Variants in FARS2 observed in about 807,000 individuals in gnomAD.
The protein encoded by FARS2 is phenylalanine--tRNA ligase, mitochondrial.
A neutral mutation model predicts 46.4 loss-of-function variants in FARS2; 40 were observed. The observed-to-expected ratio is 0.86, with a 90% confidence interval of 0.67 to 1.12. The LOEUF is 1.12. Among genes scored for constraint, FARS2 ranks in the 50% most tolerant of loss-of-function variants. The pLI is 0.00. For synonymous variants in FARS2, 234 were observed against 214.9 expected (o/e 1.09, Z -0.78); for missense variants, 513 against 567.9 (o/e 0.90, Z 0.98).
At chr6:5,610,249 G>A (rs1242930500) in intron 5 of FARS2, 1 of 497,910 alleles carries the variant, frequency 2.0e-6, no homozygotes. Flanking sequence ...CAGCATCCAC[G>A]AGCAGAAAGT....
chr6:5,324,005 C>T (rs1448111422), intron 1 of FARS2, among the ~76,000 whole-genome samples: 1 of 152,102 alleles, frequency 6.6e-6, no homozygotes, highest in East Asian at 1.9e-4. Flanking sequence ...ACATTCCAAC[C>T]CTGTCCTAAA....
intron 1 of FARS2, among the ~76,000 whole-genome samples, chr6:5,321,416 CAG>C (rs1344533571): frequency 6.6e-6 from 1 of 152,126 alleles, no homozygotes; most frequent in African/African-American, 2.4e-5. Flanking sequence ...GGGGAGGAAA[CAG>C]TGTGAGCAGA....
At chr6:5,769,496 G>C (rs1325596625) in intron 6 of FARS2, among the ~76,000 whole-genome samples, 1 of 152,246 alleles carries the variant, frequency 6.6e-6, no homozygotes, top group Admixed American at 6.5e-5. Context: ...GAGGAGAAAA[G>C]ACCACTCTAC....
At chr6:5,476,195 C>T (rs944435526) in intron 4 of FARS2, among the ~76,000 whole-genome samples, 15 of 152,224 alleles carry the variant, frequency 9.9e-5, no homozygotes, top group Admixed American at 3.3e-4. Flanking sequence ...CCCCGGCGAA[C>T]GGGAGAGAAC....
At chr6:5,415,915 C>T (rs1762213339) in intron 3 of FARS2, among the ~76,000 whole-genome samples, 1 of 152,038 alleles carries the variant, frequency 6.6e-6, no homozygotes, top group South Asian at 2.1e-4. Context: ...CTATATTGTC[C>T]AGGCTGGTCT....
At position 5,297,374 on chromosome 6, in the gene FARS2, G is replaced by A. The variant is rs138817467; in HGVS notation, c.-22+35714G>A. Among the ~76,000 whole-genome samples the A allele has an allele frequency of 2.0e-5, 3 of 152,254 alleles. No homozygotes were observed. In the East Asian group the frequency reaches 5.8e-4, roughly 29 times the overall value. On this transcript the variant is annotated intron_variant, in intron 1 of 6. Transcript: ENST00000274680. Reference sequence around the variant, plus strand: ...TTAAAAAAACTAATTTTGGCCTGGCGCAGTGGCTCACGCCTGTAATCCCAG... The same window carrying A: ...TTAAAAAAACTAATTTTGGCCTGGCACAGTGGCTCACGCCTGTAATCCCAG...
intron 5 of FARS2, among the ~76,000 whole-genome samples, chr6:5,545,553 TC>T (rs1770922553): frequency 6.6e-6 from 1 of 152,134 alleles, no homozygotes; most frequent in African/African-American, 2.4e-5. Context: ...CAACCCGTCA[TC>T]TAGGTTTTAA....
At chr6:5,703,929 G>A (rs1264508700) in intron 6 of FARS2, among the ~76,000 whole-genome samples, 1 of 151,914 alleles carries the variant, frequency 6.6e-6, no homozygotes, top group Non-Finnish European at 1.5e-5. Context: ...AAACTGTCCC[G>A]ATCTAGCTGT....
At chr6:5,322,232 G>A (rs1770029738) in intron 1 of FARS2, among the ~76,000 whole-genome samples, 1 of 152,164 alleles carries the variant, frequency 6.6e-6, no homozygotes, top group Non-Finnish European at 1.5e-5. Context: ...ATTTTGTTTT[G>A]ACTTAATATT....
intron 6 of FARS2, among the ~76,000 whole-genome samples, chr6:5,718,826 G>A (rs557008385): frequency 3.9e-5 from 6 of 152,256 alleles, no homozygotes; most frequent in South Asian, 2.1e-4. Context: ...TGATCCTGGC[G>A]TATTAAATTC....
At chr6:5,679,586 C>G (rs1778930772) in intron 6 of FARS2, among the ~76,000 whole-genome samples, 1 of 152,260 alleles carries the variant, frequency 6.6e-6, no homozygotes, top group South Asian at 2.1e-4. Flanking sequence ...CCAGGGTCTC[C>G]TAAACAGTAC....
chr6:5,399,976 G>T (rs1353048410), intron 2 of FARS2, among the ~76,000 whole-genome samples: 1 of 152,178 alleles, frequency 6.6e-6, no homozygotes, highest in Non-Finnish European at 1.5e-5. Flanking sequence ...TTCAGGGTAA[G>T]TAGTTAGAAA....
chr6:5,486,409 G>A (rs535606726), intron 4 of FARS2, among the ~76,000 whole-genome samples: 177 of 152,176 alleles, frequency 1.2e-3, no homozygotes, highest in African/African-American at 4.1e-3. Flanking sequence ...TTTTATTTTA[G>A]CCTTCTATTC....
chr6:5,509,282 T>C (rs1476529989), intron 4 of FARS2, among the ~76,000 whole-genome samples: 1 of 152,208 alleles, frequency 6.6e-6, no homozygotes, highest in Non-Finnish European at 1.5e-5. Context: ...TGCCCAGCAT[T>C]CCTTGGCGTG....
At chr6:5,498,409 C>CG (rs776936435) in intron 4 of FARS2, among the ~76,000 whole-genome samples, 1 of 152,076 alleles carries the variant, frequency 6.6e-6, no homozygotes, top group African/African-American at 2.4e-5. Context: ...TGAATCAGAT[C>CG]GGCCAAGTTA....
intron 5 of FARS2, among the ~76,000 whole-genome samples, chr6:5,562,695 T>TACACACACACACACACACACACAC (rs35980009): frequency 3.7e-5 from 5 of 135,770 alleles, no homozygotes; most frequent in South Asian, 2.3e-4. Flanking sequence ...CTGTAATTTA[T>TACACACACACACACACACACACAC]ACACACACAC....
At chr6:5,259,940 T>C (rs975764519), upstream of FARS2, among the ~76,000 whole-genome samples, 3 of 152,124 alleles carry the variant, frequency 2.0e-5, no homozygotes, top group African/African-American at 7.2e-5. Flanking sequence ...AATAAAAGAC[T>C]CATAGGCAAA....
chr6:5,676,159 G>A (rs1433813667), intron 6 of FARS2, among the ~76,000 whole-genome samples: 4 of 152,152 alleles, frequency 2.6e-5, no homozygotes, highest in East Asian at 1.9e-4. Flanking sequence ...ATTTATGTAC[G>A]CAAGAAGCTT....
chr6:5,637,705 C>T (rs1251792354), intron 6 of FARS2, among the ~76,000 whole-genome samples: 1 of 152,202 alleles, frequency 6.6e-6, no homozygotes, highest in Non-Finnish European at 1.5e-5. Context: ...GTCCTGGAGG[C>T]TGGAAGTCCA....
Sources: gnomAD v4.1 joint callset for allele counts (sites outside exome capture counted in the v4.1 genomes callset) on GRCh38, gnomAD v4.1.1 for gene constraint, MANE v1.5 for transcripts, NCBI Gene and HGNC (gene_info 2026-07-23, HGNC 2026-07-21) for gene names.